ARL13B: variants seen among roughly 807,000 people sequenced by gnomAD.
ARL13B encodes ADP-ribosylation factor-like protein 13B.
A neutral mutation model predicts 56.1 loss-of-function variants in ARL13B; 36 were observed. The ratio of observed to expected loss-of-function variants is 0.64; its 90% CI spans 0.49 to 0.85. The LOEUF (loss-of-function observed/expected upper bound fraction) is 0.85. Among genes scored for constraint, ARL13B ranks in the 40% least tolerant of loss-of-function variants. The pLI, the probability that ARL13B is intolerant of heterozygous loss-of-function variation, is 0.00. For synonymous variants in ARL13B, 178 were observed against 171.1 expected (o/e 1.04, Z -0.32); for missense variants, 519 against 507.1 (o/e 1.02, Z -0.23).
Position 94,049,503 on chromosome 3 carries a change from AC to A in ARL13B, c.1127del (p.Pro376HisfsTer51). 3.8e-6 allele frequency: 5 copies of A among 1,319,438 alleles called. No homozygotes were observed. Among genetic ancestry groups the A allele is most frequent in the Admixed American group, 1.8e-5 (1 of 55,738 alleles). 81.7% of individuals were successfully genotyped at this position (1,319,438 alleles called of 1,614,324 possible). A position where few individuals can be genotyped will look rare whatever the true frequency, so the allele number is the denominator to read the frequency against. On this transcript the variant is annotated frameshift_variant, in exon 8 of 10. Coordinates refer to ENST00000394222, the MANE Select transcript of ARL13B (RefSeq NM_001174150.2). LOFTEE classifies it high-confidence loss of function. ...ACTGTGCTCCTGAGAGTCCAACGCC[AC>A]CCCCACCCCCTCCTCCTGGTGAGTA... ...DDCAPESPTP[P>X]PPPPPVGWGT... is the part of the protein sequence containing the mutation.
chr3:93,980,489 T>C lies in ARL13B; in HGVS notation c.59+7T>C, dbSNP rs753776873. ...GGTGGCGGGAGCCTGTCAGGTAGGC[T>C]GGAGCCAGCTGTCCTGGCCGTCCTA... On this transcript the variant is annotated splice_region_variant and intron_variant, in intron 1 of 9. Transcript: ENST00000394222. The C allele has an allele frequency of 1.2e-6, 2 of 1,610,068 alleles. No individual in the cohort carries two copies. Among genetic ancestry groups the C allele is most frequent in the South Asian group, 2.2e-5 (2 of 91,080 alleles).
intron 1 of ARL13B, among the ~76,000 whole-genome samples, chr3:93,993,535 C>G (rs2075913649): frequency 6.6e-6 from 1 of 152,202 alleles, no homozygotes; most frequent in Non-Finnish European, 1.5e-5. Flanking sequence ...GTCCTCCTGT[C>G]TCAGCCTCCG....
intron 1 of ARL13B, 44 bp downstream of exon 1, chr3:93,980,526 T>C (rs1395692924): frequency 6.2e-7 from 1 of 1,604,078 alleles, no homozygotes; most frequent in Non-Finnish European, 8.5e-7. Context: ...GGGTTGGAGA[T>C]GGCTGCGCCC....
chr3:94,013,135 A>T lies in ARL13B; in HGVS notation c.380+9227A>T, dbSNP rs186833709. Among the ~76,000 whole-genome samples, 59 of 152,052 alleles carry T rather than the reference A, an allele frequency of 3.9e-4. No individual in the cohort carries two copies. The East Asian group carries it at 0.011, about 28-fold the overall frequency. On this transcript the variant is annotated intron_variant, in intron 3 of 9. Coordinates refer to ENST00000394222, the MANE Select transcript of ARL13B (RefSeq NM_001174150.2). ...AGACCCTCCTCAGGGTCTTTGTACT[A>T]TTTGTTTCCTATGCCTGGAATTATA...
chr3:94,054,855 A>G lies in ARL13B; in HGVS notation c.*1592A>G. On this transcript the variant is annotated 3_prime_UTR_variant, in exon 10 of 10. Coordinates refer to ENST00000394222, the MANE Select transcript of ARL13B (RefSeq NM_001174150.2). ...GAGAGGTGGCTGAAATGTGATGAAA[A>G]GCAATACGAAAAGACAATGTAAACT... 2.9e-6 allele frequency: 1 copy of G among 348,794 alleles called. No homozygotes were observed. Among genetic ancestry groups the G allele is most frequent in the African/African-American group, 2.2e-5 (1 of 46,074 alleles). The allele number at this position is 348,794 out of a possible 1,614,324, so 21.6% of individuals were successfully genotyped here.
intron 3 of ARL13B, among the ~76,000 whole-genome samples, chr3:94,020,820 C>T (rs935179468): frequency 5.3e-5 from 8 of 151,968 alleles, no homozygotes; most frequent in East Asian, 1.9e-4. Context: ...TTCAAATAGC[C>T]GGTAATCTTT....
At chr3:94,011,801 T>A (rs2076228714) in intron 3 of ARL13B, among the ~76,000 whole-genome samples, 1 of 152,144 alleles carries the variant, frequency 6.6e-6, no homozygotes, top group Non-Finnish European at 1.5e-5. Context: ...AGCTATTGAT[T>A]ACTTTTTATA....
chr3:94,041,017 A>C (rs2076851707), intron 6 of ARL13B, among the ~76,000 whole-genome samples: 1 of 152,160 alleles, frequency 6.6e-6, no homozygotes, highest in Non-Finnish European at 1.5e-5. Flanking sequence ...AAGTACACTT[A>C]ACGCTTTGAA....
chr3:94,015,357 A>G (rs1162558231), intron 3 of ARL13B: 4 of 1,164,690 alleles, frequency 3.4e-6, no homozygotes, highest in Non-Finnish European at 4.7e-6. Context: ...ACTTCACATA[A>G]CTGTCTATAT....
intron 7 of ARL13B, among the ~76,000 whole-genome samples, chr3:94,044,302 GC>G (rs2076933799): frequency 6.7e-6 from 1 of 148,534 alleles, no homozygotes; most frequent in Admixed American, 6.7e-5. Flanking sequence ...CCTCTGCCCG[GC>G]CGCCCCGTCT....
intron 3 of ARL13B, among the ~76,000 whole-genome samples, chr3:94,017,141 A>G (rs2076350551): frequency 6.6e-6 from 1 of 152,218 alleles, no homozygotes; most frequent in South Asian, 2.1e-4. Context: ...TAGCATGGAA[A>G]GGATGAGATT....
chr3:94,001,414 A>C (rs2076053585), intron 2 of ARL13B, among the ~76,000 whole-genome samples: 1 of 152,136 alleles, frequency 6.6e-6, no homozygotes, highest in South Asian at 2.1e-4. Flanking sequence ...CTCTGCCTAA[A>C]ATATAGTTCT....
At position 93,985,007 on chromosome 3, in the gene ARL13B, C is replaced by CTCAATCAA. The variant is rs71621580; in HGVS notation, c.59+4547_59+4554dup. Among the ~76,000 whole-genome samples the CTCAATCAA allele has an allele frequency of 7.4e-4, 111 of 150,910 alleles. 3 individuals are homozygous for CTCAATCAA. The highest frequency in any genetic ancestry group is 5.6e-3 in the Admixed American group (85 of 15,128). On this transcript the variant is annotated intron_variant, in intron 1 of 9. Coordinates refer to ENST00000394222, the MANE Select transcript of ARL13B (RefSeq NM_001174150.2). ...CCTGGGTGACAAAGTGAAACCCTGT[C>CTCAATCAA]TCAATCAATCAATCAATCAATCAAT...
At chr3:93,997,712 G>A (rs563009118) in intron 2 of ARL13B, among the ~76,000 whole-genome samples, 168 of 152,276 alleles carry the variant, frequency 1.1e-3, no homozygotes, top group Non-Finnish European at 1.0e-4. Context: ...TGCTGGGCAC[G>A]GTGGCTCACA....
chr3:94,029,150 C>A (rs949296972), intron 3 of ARL13B, among the ~76,000 whole-genome samples: 2 of 150,368 alleles, frequency 1.3e-5, no homozygotes, highest in African/African-American at 2.4e-5. Context: ...AATATAACAA[C>A]TCAAAATTAA....
At chr3:94,030,422 A>T (rs1396435759) in intron 3 of ARL13B, among the ~76,000 whole-genome samples, 1 of 146,180 alleles carries the variant, frequency 6.8e-6, no homozygotes, top group African/African-American at 2.5e-5. Context: ...TTTAGTAAAG[A>T]CAGGGTTTCA....
intron 5 of ARL13B, among the ~76,000 whole-genome samples, chr3:94,039,166 G>A (rs1422226799): frequency 6.6e-6 from 1 of 152,086 alleles, no homozygotes; most frequent in Non-Finnish European, 1.5e-5. Context: ...TCCTAGTTTT[G>A]TAAGAGAAGA....
intron 1 of ARL13B, 134 bp downstream of exon 1, chr3:93,980,616 TC>T: frequency 9.1e-7 from 1 of 1,099,368 alleles, no homozygotes; most frequent in South Asian, 1.4e-5. Context: ...TCCCAGGGTG[TC>T]CCGGGAGGGA....
Position 94,035,442 on chromosome 3 carries a change from GTT to G in ARL13B, c.486+21_486+22del, listed in dbSNP as rs368491848. 1,940 of 1,272,844 alleles carry G rather than the reference GTT, an allele frequency of 1.5e-3. No homozygotes were observed. Among genetic ancestry groups the G allele is most frequent in the Non-Finnish European group, 1.7e-3 (1,561 of 926,302 alleles). The allele number at this position is 1,272,844 out of a possible 1,614,324, so 78.8% of individuals were successfully genotyped here. ...ACAAGTGCCTGTGTCAGATAGTAAG[GTT>G]TTTTTTTTTTTTTTAATTTTAATTT... On this transcript the variant is annotated splice_region_variant and intron_variant, in intron 4 of 9. Coordinates refer to ENST00000394222, the MANE Select transcript of ARL13B (RefSeq NM_001174150.2).
Sources: allele counts gnomAD v4.1 joint callset (sites outside exome capture counted in the v4.1 genomes callset), GRCh38; gene constraint gnomAD v4.1.1; transcripts MANE v1.5; gene names NCBI Gene and HGNC (gene_info 2026-07-23, HGNC 2026-07-21).